Variants in MMADHC observed in about 807,000 individuals in gnomAD.
MMADHC encodes the protein cobalamin trafficking protein CblD.
A neutral mutation model predicts 36.3 loss-of-function variants in MMADHC; 23 were observed. That is an observed-to-expected ratio of 0.63 (90% CI 0.46 to 0.90). The LOEUF (loss-of-function observed/expected upper bound fraction) is 0.90. Ranked by LOEUF, MMADHC falls within the 40% of genes least tolerant of loss-of-function variation. The probability of loss-of-function intolerance (pLI) is 0.00; values close to 1 mark genes in which losing one functional copy is unlikely to be tolerated. For missense variants in MMADHC, 330 were observed against 348.0 expected (o/e 0.95, Z 0.41); for synonymous variants, 97 against 116.1 (o/e 0.84, Z 1.06).
rs187110962 is a variant in MMADHC, at chr2:149,572,088, T to C, written c.610-917A>G. ...TGTGCATATATAAAAATTTTGGTCT[T>C]ACCATCCTAATTTATAAGATATTTT... is the stretch of plus-strand genomic sequence containing the variant. On this transcript the variant is annotated intron_variant, in intron 6 of 7. Coordinates refer to ENST00000303319, the MANE Select transcript of MMADHC (RefSeq NM_015702.3). 644 of 301,134 alleles carry C rather than the reference T, an allele frequency of 2.1e-3. 7 individuals are homozygous for C. Among genetic ancestry groups the C allele is most frequent in the Middle Eastern group, 7.1e-3 (6 of 840 alleles). 18.7% of individuals were successfully genotyped at this position (301,134 alleles called of 1,614,324 possible). A position where few individuals can be genotyped will look rare whatever the true frequency, so the allele number is the denominator to read the frequency against.
chr2:149,579,428 T>G lies in MMADHC; in HGVS notation c.372+3A>C, dbSNP rs1682762844. The stretch of plus-strand genomic sequence containing the variant: ...AGCACAATAAATGTTACCAACAATT[T>G]ACCTGAAATTCATTCACATATTGTG... On this transcript the variant is annotated splice_donor_region_variant and intron_variant, in intron 4 of 7. Coordinates refer to ENST00000303319, the MANE Select transcript of MMADHC (RefSeq NM_015702.3). 1.2e-6 allele frequency: 2 copies of G among 1,607,288 alleles called. No individual in the cohort carries two copies. Among genetic ancestry groups the G allele is most frequent in the Non-Finnish European group, 1.7e-6 (2 of 1,175,744 alleles).
chr2:149,578,088 G>A lies in MMADHC; in HGVS notation c.372+1343C>T, dbSNP rs574541139. 2.6e-5 allele frequency among the ~76,000 whole-genome samples: 4 copies of A among 152,164 alleles called. No individual in the cohort carries two copies. The South Asian group carries it at 8.3e-4, about 32-fold the overall frequency. On this transcript the variant is annotated intron_variant, in intron 4 of 7. Coordinates refer to ENST00000303319, the MANE Select transcript of MMADHC (RefSeq NM_015702.3). ...CTTAGAAAGGTTAAGTAATTTCCTC[G>A]AGGTCACAAAATTAAGTAAGTTGCA...
chr2:149,576,115 CA>C (rs1218952473), intron 5 of MMADHC, among the ~76,000 whole-genome samples: 1 of 152,014 alleles, frequency 6.6e-6, no homozygotes, highest in Non-Finnish European at 1.5e-5. Flanking sequence ...ATATAATTTT[CA>C]AAAATGCTTA....
chr2:149,582,107 C>G lies in MMADHC; in HGVS notation c.154+20G>C. ...TGTTTTGAAACAATTATAAGTAAAG[C>G]AGTAACAACTTTCACTTACATATAT... On this transcript the variant is annotated intron_variant, in intron 3 of 7. Transcript: ENST00000303319. The G allele has an allele frequency of 6.2e-7, 1 of 1,612,366 alleles. No homozygotes were observed.
Sources: allele counts gnomAD v4.1 joint callset (sites outside exome capture counted in the v4.1 genomes callset), GRCh38; gene constraint gnomAD v4.1.1; transcripts MANE v1.5; gene names NCBI Gene and HGNC (gene_info 2026-07-23, HGNC 2026-07-21).